The following PCDHGA1 variants were observed in gnomAD, a reference collection of about 807,000 sequenced individuals.
The protein encoded by PCDHGA1 is protocadherin gamma-A1.
A neutral mutation model predicts 58.0 loss-of-function variants in PCDHGA1; 32 were observed. That is an observed-to-expected ratio of 0.55 (90% confidence interval 0.42 to 0.74). The LOEUF (loss-of-function observed/expected upper bound fraction) is 0.74. Ranked by LOEUF, PCDHGA1 falls within the 30% of genes least tolerant of loss-of-function variation. The pLI, the probability that PCDHGA1 is intolerant of heterozygous loss-of-function variation, is 0.00. For missense variants in PCDHGA1, 1,205 were observed against 1,182.3 expected, an observed-to-expected ratio of 1.02 and a Z score of -0.28; for synonymous variants, 498 against 501.1, an observed-to-expected ratio of 0.99 and a Z score of 0.08.
At position 141,511,108 on chromosome 5, in the gene PCDHGA1, G is replaced by A; in HGVS notation, c.2731G>A (p.Asp911Asn). The A allele has an allele frequency of 6.2e-7, 1 of 1,614,244 alleles. No homozygotes were observed. The highest frequency in any genetic ancestry group is 2.2e-5 in the East Asian group (1 of 44,882). Residue 911 changes from aspartate (D) to asparagine (N), a missense_variant, in exon 4 of 4, where the codon GAT (aspartate) becomes AAT (asparagine). Physicochemically the swap from Asp to Asn is conservative, Grantham distance 23. Coordinates refer to ENST00000517417, the MANE Select transcript of PCDHGA1 (RefSeq NM_018912.3). ...ATLTNAAGKR[D>N]GKAPAGGNGN... Reference sequence around the variant, plus strand: ...ACTGACCAACGCAGCTGGCAAGCGGGATGGCAAGGCCCCAGCAGGTGGCAA... The same window carrying A: ...ACTGACCAACGCAGCTGGCAAGCGGAATGGCAAGGCCCCAGCAGGTGGCAA...
At position 141,405,363 on chromosome 5, in the gene PCDHGA1, C is replaced by T. The variant is rs765508317; in HGVS notation, c.2421+72258C>T. The T allele has an allele frequency of 2.0e-5, 33 of 1,613,690 alleles. No individual in the cohort carries two copies. The highest frequency in any genetic ancestry group is 2.7e-5 in the African/African-American group (2 of 74,888). On this transcript the variant is annotated intron_variant, in intron 1 of 3. Coordinates refer to ENST00000517417, the MANE Select transcript of PCDHGA1 (RefSeq NM_018912.3). ...GATTCCAAGTTTCCTATAGAAGACACCCCTTTGGTTCCGGTGAGTTCATTT... is the reference window on the plus strand; with the variant it reads ...GATTCCAAGTTTCCTATAGAAGACATCCCTTTGGTTCCGGTGAGTTCATTT...
intron 1 of PCDHGA1, among the ~76,000 whole-genome samples, chr5:141,460,135 T>G (rs2098983196): frequency 6.6e-6 from 1 of 152,044 alleles, no homozygotes; most frequent in South Asian, 2.1e-4. Flanking sequence ...ATATATATAT[T>G]CTTGATGTGA....
At chr5:141,357,538 A>C in intron 1 of PCDHGA1, 1 of 1,614,220 alleles carries the variant, frequency 6.2e-7, no homozygotes, top group South Asian at 1.1e-5. Flanking sequence ...AGACACGCTC[A>C]TCAGCCGGGA....
At position 141,445,006 on chromosome 5, in the gene PCDHGA1, G is replaced by A. The variant is rs550056654; in HGVS notation, c.2422-49801G>A. Among the ~76,000 whole-genome samples, 51 of 152,044 alleles carry A rather than the reference G, an allele frequency of 3.4e-4. 2 individuals are homozygous for A. The South Asian group carries it at 9.6e-3, about 28-fold the overall frequency. ...CATGGTATATATTTCCATTTAATTA[G>A]GTCTTTAATTTCTCTCAGCTATGTT... On this transcript the variant is annotated intron_variant, in intron 1 of 3. Transcript: ENST00000517417.
At position 141,486,315 on chromosome 5, in the gene PCDHGA1, C is replaced by T. The variant is rs1432435944; in HGVS notation, c.2422-8492C>T. The T allele has an allele frequency of 6.2e-7, 1 of 1,614,066 alleles. No individual in the cohort carries two copies. Among genetic ancestry groups the T allele is most frequent in the East Asian group, 2.2e-5 (1 of 44,862 alleles). ...AGTGTGCAGGATCCAGACTCAGGGT[C>T]AAACGGAGATGTGAGCCTCCGCATT... On this transcript the variant is annotated intron_variant, in intron 1 of 3. Transcript: ENST00000517417. The surrounding 1 kb of genome is among the most constrained non-coding windows in gnomAD (Gnocchi z 5.0).
intron 1 of PCDHGA1, chr5:141,414,623 C>G: frequency 6.2e-7 from 1 of 1,613,938 alleles, no homozygotes; most frequent in South Asian, 1.1e-5. Context: ...GCGCTGGACC[C>G]GGACAGCAAA....
intron 1 of PCDHGA1, chr5:141,403,102 G>A (rs765706858): frequency 9.3e-6 from 15 of 1,613,928 alleles, no homozygotes; most frequent in Non-Finnish European, 1.3e-5. Flanking sequence ...ACATCTCCAA[G>A]GACCTGGCTC....
intron 1 of PCDHGA1, chr5:141,405,016 C>T: frequency 6.2e-7 from 1 of 1,614,006 alleles, no homozygotes; most frequent in Non-Finnish European, 8.5e-7. Flanking sequence ...AGGCCTCAGA[C>T]CTTACCCTCT....
chr5:141,424,383 T>C (rs2096817494), intron 1 of PCDHGA1: 2 of 152,238 alleles, frequency 1.3e-5, no homozygotes, highest in Non-Finnish European at 2.9e-5. Context: ...AAGCTCTAGA[T>C]GTCTTTTCCA....
At chr5:141,384,536 T>C (rs751421323) in intron 1 of PCDHGA1, 1 of 1,614,204 alleles carries the variant, frequency 6.2e-7, no homozygotes, top group Non-Finnish European at 8.5e-7. Flanking sequence ...AGCAGCAACA[T>C]GTCACTGAGC....
At chr5:141,369,999 A>C (rs995138311) in intron 1 of PCDHGA1, among the ~76,000 whole-genome samples, 3 of 152,262 alleles carry the variant, frequency 2.0e-5, no homozygotes, top group African/African-American at 7.2e-5. Flanking sequence ...TAAAGCTCAA[A>C]TTAAAAGAAA....
Position 141,485,089 on chromosome 5 carries a change from G to A in PCDHGA1, c.2422-9718G>A. The stretch of plus-strand genomic sequence containing the variant: ...GAGCTGGCGCGGGGAAAGGGAGATA[G>A]GTGTCTCCAGCTGCTGTGGCTGTTT... On this transcript the variant is annotated intron_variant, in intron 1 of 3. Coordinates refer to ENST00000517417, the MANE Select transcript of PCDHGA1 (RefSeq NM_018912.3). This position sits in a 1 kb window ranked among gnomAD's most constrained non-coding sequence, Gnocchi z 5.7. 1 of 1,027,236 alleles carries A rather than the reference G, an allele frequency of 9.7e-7. No homozygotes were observed. The highest frequency in any genetic ancestry group is 1.5e-6 in the Non-Finnish European group (1 of 674,564). 63.6% of individuals were successfully genotyped at this position (1,027,236 alleles called of 1,614,324 possible). A position where few individuals can be genotyped will look rare whatever the true frequency, so the allele number is the denominator to read the frequency against.
At chr5:141,339,366 G>C in intron 1 of PCDHGA1, 1 of 1,614,164 alleles carries the variant, frequency 6.2e-7, no homozygotes, top group Non-Finnish European at 8.5e-7. Context: ...AATGCCCCTC[G>C]CTTTGGAGTA....
chr5:141,438,581 TAC>T (rs2097976954), intron 1 of PCDHGA1, among the ~76,000 whole-genome samples: 6 of 49,834 alleles, frequency 1.2e-4, no homozygotes, highest in African/African-American at 7.2e-4. Flanking sequence ...TATACATACA[TAC>T]ATACATACAT....
chr5:141,394,138 T>C (rs1360282699), intron 1 of PCDHGA1: 1 of 1,613,860 alleles, frequency 6.2e-7, no homozygotes. Flanking sequence ...GCTCTGCACG[T>C]GGCAGACATT....
intron 1 of PCDHGA1, chr5:141,428,358 G>C: frequency 1.8e-6 from 1 of 565,492 alleles, no homozygotes; most frequent in South Asian, 1.9e-5. Context: ...TGATTTTGGC[G>C]GTCGCCTTGC....
At chr5:141,366,481 G>A (rs1055854699) in intron 1 of PCDHGA1, 23 of 1,614,260 alleles carry the variant, frequency 1.4e-5, no homozygotes, top group Non-Finnish European at 1.9e-5. Flanking sequence ...TCAGACTGAG[G>A]CGCTGGCACA....
intron 1 of PCDHGA1, among the ~76,000 whole-genome samples, chr5:141,335,429 T>TA (rs1220546109): frequency 6.6e-6 from 1 of 152,132 alleles, no homozygotes; most frequent in African/African-American, 2.4e-5. Context: ...ATTGTGATTT[T>TA]AAAAAATGAA....
At chr5:141,376,974 A>T (rs1055212132) in intron 1 of PCDHGA1, 1 of 158,030 alleles carries the variant, frequency 6.3e-6, no homozygotes, top group Non-Finnish European at 1.4e-5. Context: ...GGCGTGAGCC[A>T]CCGCGCCCGG....
Sources: gnomAD v4.1 joint callset for allele counts (sites outside exome capture counted in the v4.1 genomes callset) on GRCh38, gnomAD v4.1.1 for gene constraint, Gnocchi (gnomAD v3.1) non-coding constraint, MANE v1.5 for transcripts, NCBI Gene and HGNC (gene_info 2026-07-23, HGNC 2026-07-21) for gene names.